SLC38A11: variants seen among roughly 807,000 people sequenced by gnomAD.
SLC38A11 encodes putative sodium-coupled neutral amino acid transporter 11.
In SLC38A11, 51 loss-of-function variants were observed where a neutral mutation model predicts 49.4. The observed-to-expected ratio is 1.03, with a 90% CI of 0.83 to 1.30. The LOEUF is 1.30. SLC38A11 is among the 50% of genes most tolerant of loss of function. The pLI is 0.00. For missense variants in SLC38A11, 574 were observed against 556.2 expected, an observed-to-expected ratio of 1.03 and a Z score of -0.32; for synonymous variants, 203 against 192.9, an observed-to-expected ratio of 1.05 and a Z score of -0.43.
At position 164,955,249 on chromosome 2, in the gene SLC38A11, G is replaced by T. The variant is rs1447054591; in HGVS notation, c.-2C>A. The T allele has an allele frequency of 1.9e-6, 3 of 1,550,512 alleles. No homozygotes were observed. The highest frequency in any genetic ancestry group is 2.6e-6 in the Non-Finnish European group (3 of 1,146,934). On this transcript the variant is annotated 5_prime_UTR_variant, in exon 1 of 12. Transcript: ENST00000685975. ...AGGCTCCTGCCTCTGGTAGCCCATG[G>T]CTGAGCGGTGGTCCTCAGCAGGTGG...
intron 11 of SLC38A11, among the ~76,000 whole-genome samples, chr2:164,902,584 G>A (rs534591066): frequency 1.3e-5 from 2 of 152,144 alleles, no homozygotes; most frequent in East Asian, 1.9e-4. Context: ...CATTATTTTG[G>A]TAAATTTTCT....
At chr2:164,934,585 C>T (rs1034976078) in intron 7 of SLC38A11, among the ~76,000 whole-genome samples, 3 of 152,084 alleles carry the variant, frequency 2.0e-5, no homozygotes, top group Non-Finnish European at 4.4e-5. Context: ...CACTGTTCTC[C>T]CGTGGTGCAA....
chr2:164,924,982 G>A (rs774972016), intron 7 of SLC38A11, among the ~76,000 whole-genome samples: 2 of 152,026 alleles, frequency 1.3e-5, no homozygotes, highest in Non-Finnish European at 2.9e-5. Flanking sequence ...TCCTGACCTC[G>A]TGATCTGCCC....
At chr2:164,940,227 T>TA (rs1251832650) in intron 5 of SLC38A11, among the ~76,000 whole-genome samples, 2 of 30,318 alleles carry the variant, frequency 6.6e-5, no homozygotes, top group Non-Finnish European at 1.4e-4. Context: ...AATAGAAAAT[T>TA]TTATATATAT....
chr2:164,932,627 T>C (rs11891245), intron 7 of SLC38A11, among the ~76,000 whole-genome samples: 10,489 of 151,984 alleles, frequency 0.069, 399 homozygotes, highest in Admixed American at 0.1. Context: ...AGCAAACTAA[T>C]GCAGGAAAAG....
At chr2:164,911,787 T>G (rs1685423132) in intron 9 of SLC38A11, 39 bp from the exon 10 acceptor site, 2 of 1,172,038 alleles carry the variant, frequency 1.7e-6, no homozygotes, top group Non-Finnish European at 2.4e-6. Context: ...TACTAGATAC[T>G]AAATGTTTGA....
At chr2:164,951,823 G>A (rs1210439903) in intron 3 of SLC38A11, among the ~76,000 whole-genome samples, 1 of 152,134 alleles carries the variant, frequency 6.6e-6, no homozygotes, top group Admixed American at 6.5e-5. Context: ...AGCTCCAACT[G>A]TACCACACAT....
intron 5 of SLC38A11, 140 bp from the exon 6 acceptor site, chr2:164,939,696 C>T (rs897738394): frequency 6.3e-5 from 29 of 462,688 alleles, no homozygotes; most frequent in African/African-American, 5.8e-4. Context: ...TTAATACTCT[C>T]CATAAAAACA....
At chr2:164,924,774 G>A (rs983176514) in intron 7 of SLC38A11, among the ~76,000 whole-genome samples, 2 of 151,448 alleles carry the variant, frequency 1.3e-5, no homozygotes, top group East Asian at 1.9e-4. Flanking sequence ...TCGCTCTGTC[G>A]CCCAGGCTGG....
intron 7 of SLC38A11, among the ~76,000 whole-genome samples, chr2:164,916,489 A>G (rs1685800228): frequency 6.6e-6 from 1 of 152,144 alleles, no homozygotes; most frequent in African/African-American, 2.4e-5. Context: ...GTGTTATCTC[A>G]TTTAATTTTC....
intron 9 of SLC38A11, among the ~76,000 whole-genome samples, chr2:164,913,743 C>T (rs988997410): frequency 1.3e-5 from 2 of 152,046 alleles, no homozygotes; most frequent in Admixed American, 6.6e-5. Context: ...TTTGCATTGG[C>T]AAACTATGTA....
intron 7 of SLC38A11, among the ~76,000 whole-genome samples, chr2:164,931,757 T>C (rs1687024237): frequency 2.6e-5 from 4 of 152,018 alleles, no homozygotes; most frequent in Admixed American, 1.3e-4. Flanking sequence ...CCTTACACCA[T>C]ACACAAAAAT....
chr2:164,920,859 A>T (rs1282758325), intron 7 of SLC38A11, among the ~76,000 whole-genome samples: 1 of 152,198 alleles, frequency 6.6e-6, no homozygotes, highest in Non-Finnish European at 1.5e-5. Flanking sequence ...TGGAGGGCAG[A>T]GCTGAAGGCT....
chr2:164,943,270 T>C (rs1434621582), intron 5 of SLC38A11, among the ~76,000 whole-genome samples: 1 of 152,160 alleles, frequency 6.6e-6, no homozygotes, highest in Non-Finnish European at 1.5e-5. Context: ...GTTGTAGCAA[T>C]ATGTTGAAAA....
intron 7 of SLC38A11, among the ~76,000 whole-genome samples, chr2:164,928,372 T>C (rs898376294): frequency 1.3e-5 from 2 of 152,212 alleles, no homozygotes; most frequent in Admixed American, 6.5e-5. Context: ...GTCTCATTAC[T>C]TCAAAATTTT....
intron 7 of SLC38A11, among the ~76,000 whole-genome samples, chr2:164,933,523 T>A (rs950155097): frequency 6.6e-6 from 1 of 152,134 alleles, no homozygotes; most frequent in African/African-American, 2.4e-5. Flanking sequence ...ATTTTATTTT[T>A]AAAACATAAC....
At chr2:164,929,639 T>C (rs1686849626) in intron 7 of SLC38A11, among the ~76,000 whole-genome samples, 1 of 152,170 alleles carries the variant, frequency 6.6e-6, no homozygotes, top group Non-Finnish European at 1.5e-5. Flanking sequence ...ATTTCATTAA[T>C]TGAGCTCTTA....
intron 11 of SLC38A11, among the ~76,000 whole-genome samples, chr2:164,902,406 T>C (rs914951520): frequency 2.6e-5 from 4 of 152,180 alleles, no homozygotes; most frequent in Admixed American, 6.6e-5. Flanking sequence ...GTTTTTAATA[T>C]ATAAAATCAG....
At chr2:164,944,968 T>A (rs1688007583) in intron 4 of SLC38A11, among the ~76,000 whole-genome samples, 1 of 152,168 alleles carries the variant, frequency 6.6e-6, no homozygotes, top group South Asian at 2.1e-4. Context: ...GTGTGCTGCA[T>A]AAAGTGAGGA....
Sources: gnomAD v4.1 joint callset for allele counts (sites outside exome capture counted in the v4.1 genomes callset) on GRCh38, gnomAD v4.1.1 for gene constraint, MANE v1.5 for transcripts, NCBI Gene and HGNC (gene_info 2026-07-23, HGNC 2026-07-21) for gene names.